The following KCNQ5 variants were observed in gnomAD, a reference collection of about 807,000 sequenced individuals.
KCNQ5 encodes the protein potassium voltage-gated channel subfamily KQT member 5.
Under a neutral mutation model 98.2 loss-of-function variants are expected in KCNQ5, and 30 were observed. That is an observed-to-expected ratio of 0.31 (90% CI 0.23 to 0.41). The LOEUF is 0.41. KCNQ5 is among the 10% of genes least tolerant of loss of function. The pLI is 1.00. For synonymous variants in KCNQ5, 458 were observed against 449.4 expected (o/e 1.02, Z -0.24); for missense variants, 835 against 1,182.5 (o/e 0.71, Z 4.31).
chr6:72,799,455 C>G (rs770733640), intron 1 of KCNQ5, among the ~76,000 whole-genome samples: 1 of 152,158 alleles, frequency 6.6e-6, no homozygotes, highest in Non-Finnish European at 1.5e-5. Context: ...TCATACATGG[C>G]TTCTGGTTTC....
At chr6:73,007,462 T>C (rs895412411) in intron 2 of KCNQ5, among the ~76,000 whole-genome samples, 5 of 152,212 alleles carry the variant, frequency 3.3e-5, no homozygotes, top group African/African-American at 1.2e-4. Context: ...ACCAGGATTC[T>C]GTCTCCCCAC....
At chr6:72,865,631 C>T (rs138766809) in intron 1 of KCNQ5, among the ~76,000 whole-genome samples, 6 of 152,080 alleles carry the variant, frequency 3.9e-5, no homozygotes, top group East Asian at 1.9e-4. Context: ...AGACATGTCA[C>T]GAAAACTTGG....
chr6:72,979,391 A>T (rs963285416), intron 1 of KCNQ5, among the ~76,000 whole-genome samples: 2 of 152,096 alleles, frequency 1.3e-5, no homozygotes, highest in Non-Finnish European at 2.9e-5. Context: ...ATGGTATCTC[A>T]TTGTGGTTTT....
At chr6:73,172,425 G>A (rs1000448425) in intron 11 of KCNQ5, among the ~76,000 whole-genome samples, 2 of 152,104 alleles carry the variant, frequency 1.3e-5, no homozygotes, top group African/African-American at 4.8e-5. Context: ...AAACCTAATA[G>A]ATACACTCAA....
intron 1 of KCNQ5, among the ~76,000 whole-genome samples, chr6:72,693,563 G>A (rs1424088364): frequency 2.0e-5 from 3 of 152,116 alleles, no homozygotes; most frequent in Non-Finnish European, 4.4e-5. Flanking sequence ...TAAGATTGCA[G>A]GAAAATGAAA....
intron 1 of KCNQ5, among the ~76,000 whole-genome samples, chr6:72,883,853 TAAG>T (rs537067734): frequency 1.2e-3 from 189 of 152,216 alleles, no homozygotes; most frequent in African/African-American, 4.4e-3. Flanking sequence ...TAAGGCAGAT[TAAG>T]AAGAGTGAGG....
At chr6:73,020,096 G>C (rs9442875) in intron 2 of KCNQ5, among the ~76,000 whole-genome samples, 12,674 of 152,100 alleles carry the variant, frequency 0.083, 1,777 homozygotes, top group African/African-American at 0.29. Flanking sequence ...ATCAGTTTTA[G>C]AGTGGACACC....
At chr6:72,704,494 G>A (rs1310314406) in intron 1 of KCNQ5, among the ~76,000 whole-genome samples, 2 of 152,040 alleles carry the variant, frequency 1.3e-5, no homozygotes, top group East Asian at 3.9e-4. Context: ...GGCAACTGCA[G>A]TAATGGCTGT....
rs184728516 is a variant in KCNQ5 at position 72,641,080 on chromosome 6, C to T, written c.398+18493C>T. Among the ~76,000 whole-genome samples the T allele has an allele frequency of 6.4e-3, 980 of 152,164 alleles. 12 individuals carry two copies. The highest frequency in any genetic ancestry group is 9.0e-3 in the Non-Finnish European group (610 of 67,994). On this transcript the variant is annotated intron_variant, in intron 1 of 13. Transcript: ENST00000370398. Reference sequence around the variant, plus strand: ...TTCTAAGGAAGTTAAATTCTGAAGACGGTGTTTTTCTTGGAGTTAAACCAT... The same window carrying T: ...TTCTAAGGAAGTTAAATTCTGAAGATGGTGTTTTTCTTGGAGTTAAACCAT...
chr6:73,097,536 T>C (rs1452075509), intron 5 of KCNQ5, among the ~76,000 whole-genome samples: 1 of 152,042 alleles, frequency 6.6e-6, no homozygotes, highest in Non-Finnish European at 1.5e-5. Flanking sequence ...CAGAACAAAA[T>C]AAGGATGCCC....
chr6:73,155,048 T>C (rs1777309569), intron 10 of KCNQ5, among the ~76,000 whole-genome samples: 1 of 152,120 alleles, frequency 6.6e-6, no homozygotes, highest in Non-Finnish European at 1.5e-5. Context: ...TGAGAAGACA[T>C]AGGCATACAT....
In KCNQ5 at chr6:72,721,832, T is replaced by C. The variant is rs532455939; in HGVS notation, c.398+99245T>C. ...GGGCTATCAGGCTGTGTGAACCTTA[T>C]GGCTGTCCTACCTTATGGTACACTG... On this transcript the variant is annotated intron_variant, in intron 1 of 13. Transcript: ENST00000370398. Among the ~76,000 whole-genome samples the C allele has an allele frequency of 2.4e-4, 37 of 152,304 alleles. No individual in the cohort carries two copies. In the South Asian group the frequency reaches 7.7e-3, roughly 32 times the overall value.
intron 1 of KCNQ5, among the ~76,000 whole-genome samples, chr6:72,639,942 T>A (rs1346667849): frequency 1.3e-5 from 2 of 151,812 alleles, no homozygotes; most frequent in South Asian, 4.2e-4. Flanking sequence ...TAAATAAAAG[T>A]TTAGGTTGGT....
chr6:73,079,239 A>G (rs1033351825), intron 5 of KCNQ5, among the ~76,000 whole-genome samples: 2 of 152,208 alleles, frequency 1.3e-5, no homozygotes, highest in African/African-American at 2.4e-5. Flanking sequence ...CAGGTAGATT[A>G]TAAATGCTTG....
chr6:72,737,611 T>G (rs1380191241), intron 1 of KCNQ5, among the ~76,000 whole-genome samples: 1 of 152,210 alleles, frequency 6.6e-6, no homozygotes, highest in Admixed American at 6.5e-5. Flanking sequence ...TGATATCAAT[T>G]TAGTGGATAG....
intron 1 of KCNQ5, among the ~76,000 whole-genome samples, chr6:72,861,293 AAC>A (rs1777752317): frequency 6.8e-6 from 1 of 146,048 alleles, no homozygotes; most frequent in Non-Finnish European, 1.5e-5. Flanking sequence ...ACAGAAAATA[AAC>A]CTCAGAGATT....
intron 1 of KCNQ5, among the ~76,000 whole-genome samples, chr6:72,887,250 T>A (rs1778881443): frequency 6.6e-6 from 1 of 152,084 alleles, no homozygotes; most frequent in South Asian, 2.1e-4. Context: ...ACAATCATGG[T>A]GAATGGCAAG....
At chr6:73,035,001 A>G (rs377555481) in intron 2 of KCNQ5, among the ~76,000 whole-genome samples, 1 of 146,640 alleles carries the variant, frequency 6.8e-6, no homozygotes, top group African/African-American at 2.6e-5. Flanking sequence ...GCCCGCCACC[A>G]CACCCAGCTA....
chr6:72,849,109 T>TAC (rs974500796), intron 1 of KCNQ5, among the ~76,000 whole-genome samples: 3 of 127,354 alleles, frequency 2.4e-5, no homozygotes, highest in African/African-American at 9.5e-5. Flanking sequence ...GTAGCGTATG[T>TAC]ACACATACAC....
Sources: allele counts gnomAD v4.1 joint callset (sites outside exome capture counted in the v4.1 genomes callset), GRCh38; gene constraint gnomAD v4.1.1; transcripts MANE v1.5; gene names NCBI Gene and HGNC (gene_info 2026-07-23, HGNC 2026-07-21).